The following SPTBN2 variants were observed in gnomAD, a reference collection of about 807,000 sequenced individuals.
SPTBN2 encodes spectrin beta chain, non-erythrocytic 2.
A neutral mutation model predicts 284.2 loss-of-function variants in SPTBN2; 107 were observed. The observed-to-expected ratio is 0.38, with a 90% CI of 0.32 to 0.44. The LOEUF is 0.44. SPTBN2 is among the 20% of genes least tolerant of loss of function. The probability of loss-of-function intolerance (pLI) is 1.00; values close to 1 mark genes in which losing one functional copy is unlikely to be tolerated. For synonymous variants in SPTBN2, 1,289 were observed against 1,354.8 expected (o/e 0.95, Z 1.07); for missense variants, 2,569 against 3,287.1 (o/e 0.78, Z 5.34).
At chr11:66,728,346 G>T in intron 1 of SPTBN2, 1 of 145,576 alleles carries the variant, frequency 6.9e-6, no homozygotes, top group South Asian at 2.0e-4. Flanking sequence ...GCGGCGGCGG[G>T]GCGCGTGGCG....
In SPTBN2 at chr11:66,687,327, C is replaced by A. The variant is rs746787822; in HGVS notation, c.6722+100G>T. ...GCCCCGCTCTGGTCCCAAGTCCTAC[C>A]CTTTGCCCAGAAGATGTACTCTAAA... On this transcript the variant is annotated intron_variant, in intron 35 of 37. Coordinates refer to ENST00000533211, the MANE Select transcript of SPTBN2 (RefSeq NM_006946.4). This position sits in a 1 kb window ranked among gnomAD's most constrained non-coding sequence, Gnocchi z 5.2. 6.4e-7 allele frequency: 1 copy of A among 1,561,196 alleles called. No homozygotes were observed.
rs1057524207 is a variant in SPTBN2, at chr11:66,687,470, G to A, written c.6679C>T (p.Arg2227Cys). 8.1e-6 allele frequency: 13 copies of A among 1,609,880 alleles called. No individual in the cohort carries two copies. The highest frequency in any genetic ancestry group is 1.7e-5 in the Admixed American group (1 of 59,998). ...CCGAAGGCCTCCATCTCCTGCTTGC[G>A]GCACAGCATCCCCTCCATCTGCTCC... ...AQEQMEGMLCRKQEMEAFGKK... is the reference protein window; with the variant it reads ...AQEQMEGMLCCKQEMEAFGKK... Residue 2227 changes from arginine (R) to cysteine (C), a missense_variant, in exon 35 of 38, where the codon CGC becomes TGC. By Grantham distance (180) the Arg-to-Cys change is radical (BLOSUM62 -3). Around this residue, in one of 6 missense-constraint regions of SPTBN2, gnomAD observed 1,130 missense variants for 1,317.3 expected, o/e 0.86. Transcript: ENST00000533211. This position sits in a 1 kb window ranked among gnomAD's most constrained non-coding sequence, Gnocchi z 5.2.
chr11:66,685,019 A>G lies in SPTBN2; in HGVS notation c.*852T>C, dbSNP rs1206547384. On this transcript the variant is annotated 3_prime_UTR_variant, in exon 38 of 38. Coordinates refer to ENST00000533211, the MANE Select transcript of SPTBN2 (RefSeq NM_006946.4). This position sits in a 1 kb window ranked among gnomAD's most constrained non-coding sequence, Gnocchi z 4.4. ...CTGCTTGTTGACATCATCCCAACCC[A>G]TGGTGAACTACTTTGGTTTAAAAAG... is the stretch of plus-strand genomic sequence containing the variant. Among the ~76,000 whole-genome samples, 1 of 152,192 alleles carries G rather than the reference A, an allele frequency of 6.6e-6. No homozygotes were observed.
chr11:66,742,546 T>C (rs1195053496), intron 1 of SPTBN2, among the ~76,000 whole-genome samples: 1 of 151,866 alleles, frequency 6.6e-6, no homozygotes, highest in Non-Finnish European at 1.5e-5. Context: ...GGAAACCAAC[T>C]CATCTTCATT....
At chr11:66,714,562 C>T (rs1468455737) in intron 5 of SPTBN2, among the ~76,000 whole-genome samples, 155 bp from the exon 6 acceptor site, 1 of 152,218 alleles carries the variant, frequency 6.6e-6, no homozygotes, top group Non-Finnish European at 1.5e-5. Context: ...CCAGGGACCA[C>T]AAAACACTGG....
At chr11:66,697,802 G>A (rs1941004555) in intron 20 of SPTBN2, among the ~76,000 whole-genome samples, 1 of 152,120 alleles carries the variant, frequency 6.6e-6, no homozygotes. Context: ...GTTCCTTCAG[G>A]GTGGAGCCTA....
At chr11:66,720,947 C>T (rs1942374368) in intron 3 of SPTBN2, 137 bp downstream of exon 3, 1 of 1,188,750 alleles carries the variant, frequency 8.4e-7, no homozygotes, top group Middle Eastern at 1.9e-4. Context: ...ATGTGGGGAC[C>T]AGGGAATTGA....
At position 66,683,028 on chromosome 11, in the gene SPTBN2, A is replaced by C. The variant is rs578110724; in HGVS notation, c.*2843T>G. Among the ~76,000 whole-genome samples the C allele has an allele frequency of 6.8e-6, 1 of 147,734 alleles. No individual in the cohort carries two copies. The highest frequency in any genetic ancestry group is 1.5e-5 in the Non-Finnish European group (1 of 67,416). ...CTCGGCTTCCCAAAGTGCTGGGATT[A>C]TAAGCGTGAACCACCATGCCTGGCC... On this transcript the variant is annotated 3_prime_UTR_variant, in exon 38 of 38. Transcript: ENST00000533211.
chr11:66,738,210 G>A (rs186902243), intron 1 of SPTBN2, among the ~76,000 whole-genome samples: 3 of 151,380 alleles, frequency 2.0e-5, no homozygotes, highest in East Asian at 2.0e-4. Flanking sequence ...AGCAAAACTC[G>A]GTCTCAAAAA....
chr11:66,728,007 C>A, intron 1 of SPTBN2: 1 of 149,322 alleles, frequency 6.7e-6, no homozygotes, highest in South Asian at 1.9e-4. Context: ...GCACGGGACC[C>A]TCTCCGTCCC....
intron 1 of SPTBN2, among the ~76,000 whole-genome samples, chr11:66,736,010 T>C (rs1424570177): frequency 6.6e-6 from 1 of 152,232 alleles, no homozygotes; most frequent in Non-Finnish European, 1.5e-5. Flanking sequence ...TGTGATTACT[T>C]AGACCATGAA....
intron 27 of SPTBN2, 66 bp from the exon 28 acceptor site, chr11:66,690,349 C>G: frequency 1.3e-6 from 2 of 1,485,496 alleles, no homozygotes; most frequent in Non-Finnish European, 1.8e-6. Context: ...CTGCCTCAGT[C>G]CTGGCTGCCA....
intron 1 of SPTBN2, among the ~76,000 whole-genome samples, chr11:66,739,698 G>A (rs1204966450): frequency 6.6e-6 from 1 of 152,178 alleles, no homozygotes; most frequent in Non-Finnish European, 1.5e-5. Context: ...ACATCAGCTG[G>A]CAGGACAAAT....
At chr11:66,716,747 A>G (rs961531383) in intron 3 of SPTBN2, among the ~76,000 whole-genome samples, 9 of 152,242 alleles carry the variant, frequency 5.9e-5, no homozygotes, top group Non-Finnish European at 1.3e-4. Context: ...CTGGCACAAA[A>G]TGGCTCCTTG....
Position 66,692,985 on chromosome 11 carries a change from T to C in SPTBN2, c.4970A>G (p.His1657Arg), listed in dbSNP as rs1940665179. 1 of 1,607,232 alleles carries C rather than the reference T, an allele frequency of 6.2e-7. No individual in the cohort carries two copies. The highest frequency in any genetic ancestry group is 8.5e-7 in the Non-Finnish European group (1 of 1,179,970). Reference sequence around the variant, plus strand: ...CTGCACCCACCTCTCTGGGTGCTCGTGGTCAATCATGTCCTGGCTGCTGGC... The same window carrying C: ...CTGCACCCACCTCTCTGGGTGCTCGCGGTCAATCATGTCCTGGCTGCTGGC... The part of the protein sequence containing the change: ...LAASSQDMID[H>R]EHPESTRISI... The change falls in exon 25 of 38, where the codon CAC becomes CGC. Residue 1657 changes from histidine to arginine, a missense_variant. This residue lies in a region of SPTBN2 where 1,130 missense variants were observed against 1,317.3 expected (regional missense o/e 0.86). Transcript: ENST00000533211.
Position 66,692,950 on chromosome 11 carries a change from C to T in SPTBN2, c.4985+20G>A, listed in dbSNP as rs367688012. Reference sequence around the variant, plus strand: ...AGCCGGCTCCACCCCCAGGCTGGGCCGGGCTGCCGCTGCACCCACCTCTCT... The same window carrying T: ...AGCCGGCTCCACCCCCAGGCTGGGCTGGGCTGCCGCTGCACCCACCTCTCT... On this transcript the variant is annotated intron_variant, in intron 25 of 37. Coordinates refer to ENST00000533211, the MANE Select transcript of SPTBN2 (RefSeq NM_006946.4). 8.9e-5 allele frequency: 143 copies of T among 1,600,680 alleles called. No homozygotes were observed. Among genetic ancestry groups the T allele is most frequent in the Admixed American group, 3.5e-4 (21 of 60,010 alleles).
chr11:66,731,489 G>A (rs1352641378), upstream of SPTBN2, among the ~76,000 whole-genome samples: 3 of 152,170 alleles, frequency 2.0e-5, no homozygotes, highest in African/African-American at 4.8e-5. Flanking sequence ...ATACATAGCC[G>A]AATTCTCAGT....
chr11:66,704,507 AG>A (rs1207457535), intron 15 of SPTBN2, 90 bp downstream of exon 15: 1 of 1,432,094 alleles, frequency 7.0e-7, no homozygotes, highest in Admixed American at 2.3e-5. Flanking sequence ...GGGGTGAGGC[AG>A]GAAGTTTATG....
rs369135314 is a variant in SPTBN2, at chr11:66,714,299, G to A, written c.575+17C>T. 951 of 1,611,446 alleles carry A rather than the reference G, an allele frequency of 5.9e-4. 2 individuals are homozygous for A. Among genetic ancestry groups the A allele is most frequent in the Non-Finnish European group, 7.2e-4 (844 of 1,177,846 alleles). ...GGTCACTGACCCTCCAGTGCCACAC[G>A]CCCAGGGTGTCCTCACCCTGCAGTC... On this transcript the variant is annotated intron_variant, in intron 6 of 37. Transcript: ENST00000533211.
Sources: gnomAD v4.1 joint callset for allele counts (sites outside exome capture counted in the v4.1 genomes callset) on GRCh38, gnomAD v4.1.1 for gene constraint, gnomAD v4.1.1 regional missense constraint, Gnocchi (gnomAD v3.1) non-coding constraint, MANE v1.5 for transcripts, NCBI Gene and HGNC (gene_info 2026-07-23, HGNC 2026-07-21) for gene names.